Variants in EIF4E3 observed in about 807,000 individuals in gnomAD.
EIF4E3 encodes the protein eukaryotic translation initiation factor 4E family member 3, also known as eukaryotic translation initiation factor 4E type 3.
A neutral mutation model predicts 31.7 loss-of-function variants in EIF4E3; 26 were observed. The ratio of observed to expected loss-of-function variants is 0.82; its 90% CI spans 0.60 to 1.14. The LOEUF (loss-of-function observed/expected upper bound fraction) is 1.14. Ranked by LOEUF, EIF4E3 falls within the 50% of genes most tolerant of loss-of-function variation. EIF4E3 has a pLI of 0.00. For synonymous variants in EIF4E3, 128 were observed against 107.7 expected (o/e 1.19, Z -1.17); for missense variants, 304 against 270.9 (o/e 1.12, Z -0.86).
upstream of EIF4E3, among the ~76,000 whole-genome samples, chr3:71,727,461 G>A (rs1042999972): frequency 2.6e-5 from 4 of 152,206 alleles, no homozygotes; most frequent in South Asian, 4.1e-4. Context: ...ATTGTAAAGA[G>A]GTAATATAAT....
intron 1 of EIF4E3, among the ~76,000 whole-genome samples, chr3:71,748,036 G>A (rs965992043): frequency 6.6e-6 from 1 of 152,168 alleles, no homozygotes; most frequent in Non-Finnish European, 1.5e-5. Context: ...ACATTCAAGT[G>A]GATAGCAGGC....
rs1359127336 is a variant in EIF4E3 at position 71,725,241 on chromosome 3, C to G, written c.127G>C (p.Glu43Gln). Residue 43 changes from glutamate (E) to glutamine (Q), a missense_variant, in exon 1 of 7, where the codon GAG becomes CAG. Glu to Gln is a conservative substitution (Grantham distance 29). Transcript: ENST00000425534. This position sits in a 1 kb window ranked among gnomAD's most constrained non-coding sequence, Gnocchi z 6.1. ...GLQQLSALQP[E>Q]PGGVPLHSSW... ...GAGTGCAGCGGGACCCCGCCCGGCT[C>G]AGGCTGCAGCGCCGACAGCTGCTGC... 2.7e-6 allele frequency: 3 copies of G among 1,119,174 alleles called. No individual in the cohort carries two copies. The highest frequency in any genetic ancestry group is 2.2e-6 in the Non-Finnish European group (2 of 911,268). The allele number at this position is 1,119,174 out of a possible 1,614,324, so 69.3% of individuals were successfully genotyped here.
At position 71,725,126 on chromosome 3, in the gene EIF4E3, G is replaced by C; in HGVS notation, c.176+66C>G. 1 of 1,013,742 alleles carries C rather than the reference G, an allele frequency of 9.9e-7. No homozygotes were observed. The allele number at this position is 1,013,742 out of a possible 1,614,324, so 62.8% of individuals were successfully genotyped here. On this transcript the variant is annotated intron_variant, in intron 1 of 6. Transcript: ENST00000425534. The surrounding 1 kb of genome is among the most constrained non-coding windows in gnomAD (Gnocchi z 6.1). Reference sequence around the variant, plus strand: ...GGGCCGGGGCGAGGGGCCGCGCCGAGACAAAGCGGCGGTGGCGGCAGGACC... The same window carrying C: ...GGGCCGGGGCGAGGGGCCGCGCCGACACAAAGCGGCGGTGGCGGCAGGACC...
At chr3:71,739,116 G>A (rs2049794680) in intron 1 of EIF4E3, among the ~76,000 whole-genome samples, 1 of 149,778 alleles carries the variant, frequency 6.7e-6, no homozygotes, top group African/African-American at 2.5e-5. Context: ...CTACTGAGAG[G>A]GAAACTTACA....
At chr3:71,726,502 A>G (rs943474345), upstream of EIF4E3, among the ~76,000 whole-genome samples, 2 of 152,196 alleles carry the variant, frequency 1.3e-5, no homozygotes, top group African/African-American at 4.8e-5. Context: ...TTTACACTTG[A>G]ATTTCTAGAT....
At chr3:71,669,959 G>A in the EIF4E3 span, among the ~76,000 whole-genome samples, 3 of 152,184 alleles carry the variant, frequency 2.0e-5, no homozygotes, top group South Asian at 2.1e-4. Context: ...GGCATAAACC[G>A]TCCTTGAGGA....
At chr3:71,714,332 GAA>G (rs533955838) in intron 1 of EIF4E3, among the ~76,000 whole-genome samples, 3 of 151,818 alleles carry the variant, frequency 2.0e-5, no homozygotes, top group Admixed American at 6.6e-5. Flanking sequence ...AAGAAAGAAA[GAA>G]AGAGAAAAAG....
chr3:71,696,470 T>C lies in EIF4E3; in HGVS notation c.395A>G (p.Lys132Arg), dbSNP rs750907767. Reference sequence around the variant, plus strand: ...TCAGTAGGAACCTACCGTGCTGTCCTTGGGGACTTTCATCTTCCATACGCC... The same window carrying C: ...TCAGTAGGAACCTACCGTGCTGTCCCTGGGGACTTTCATCTTCCATACGCC... ...KGGVWKMKVP[K>R]DSTSTVWKEL... The change falls in exon 4 of 7, where the codon AAG becomes AGG. Residue 132 changes from lysine (K) to arginine (R), a missense_variant. Transcript: ENST00000425534. 3.1e-6 allele frequency: 5 copies of C among 1,614,054 alleles called. No individual in the cohort carries two copies. The highest frequency in any genetic ancestry group is 1.1e-5 in the South Asian group (1 of 91,084).
At chr3:71,741,927 A>G (rs1021975494) in intron 1 of EIF4E3, among the ~76,000 whole-genome samples, 6 of 152,210 alleles carry the variant, frequency 3.9e-5, no homozygotes, top group African/African-American at 1.4e-4. Flanking sequence ...ATGGATCAAA[A>G]AAGAAATCAA....
chr3:71,741,587 C>G (rs2049821584), intron 1 of EIF4E3, among the ~76,000 whole-genome samples: 1 of 152,202 alleles, frequency 6.6e-6, no homozygotes, highest in Admixed American at 6.5e-5. Flanking sequence ...TTTCAACACT[C>G]ATCTCTCAAT....
At chr3:71,744,333 A>G (rs144654207) in intron 1 of EIF4E3, among the ~76,000 whole-genome samples, 2 of 152,310 alleles carry the variant, frequency 1.3e-5, no homozygotes, top group African/African-American at 2.4e-5. Flanking sequence ...AAGCACATGA[A>G]AAAAATGTTC....
the EIF4E3 span, among the ~76,000 whole-genome samples, chr3:71,660,212 AAG>A: frequency 1.3e-5 from 2 of 152,140 alleles, no homozygotes; most frequent in Non-Finnish European, 2.9e-5. Context: ...GTGTTTGCCT[AAG>A]AGGTTATCCT....
chr3:71,664,938 G>A, the EIF4E3 span, among the ~76,000 whole-genome samples: 4 of 152,114 alleles, frequency 2.6e-5, no homozygotes, highest in African/African-American at 9.7e-5. Context: ...GCATGAAGAT[G>A]ACACAAAAAA....
At chr3:71,671,403 C>T (rs1166995228), downstream of EIF4E3, among the ~76,000 whole-genome samples, 1 of 152,050 alleles carries the variant, frequency 6.6e-6, no homozygotes, top group Non-Finnish European at 1.5e-5. Context: ...GGAGAGACAG[C>T]ATGGCAGCAT....
chr3:71,707,584 C>T (rs1473485299), intron 2 of EIF4E3, among the ~76,000 whole-genome samples: 3 of 152,166 alleles, frequency 2.0e-5, no homozygotes, highest in Non-Finnish European at 2.9e-5. Context: ...ATCCTTAGGG[C>T]AGTGTTTATC....
chr3:71,660,208 G>T, the EIF4E3 span, among the ~76,000 whole-genome samples: 1 of 152,088 alleles, frequency 6.6e-6, no homozygotes, highest in South Asian at 2.1e-4. Context: ...CCAAGTGTTT[G>T]CCTAAGAGGT....
intron 1 of EIF4E3, among the ~76,000 whole-genome samples, chr3:71,739,638 G>A (rs529569475): frequency 5.3e-5 from 8 of 151,960 alleles, no homozygotes; most frequent in Non-Finnish European, 2.9e-5. Context: ...TTGAGGCTGC[G>A]GTGAGCCGTG....
chr3:71,725,666 G>A (rs1409945081), upstream of EIF4E3, among the ~76,000 whole-genome samples: 9 of 151,962 alleles, frequency 5.9e-5, no homozygotes, highest in Non-Finnish European at 1.2e-4. The surrounding 1 kb of genome is among the most constrained non-coding windows in gnomAD (Gnocchi z 6.1). Flanking sequence ...CTGGAGTGGC[G>A]GCCGGGGACG....
intron 1 of EIF4E3, among the ~76,000 whole-genome samples, chr3:71,716,715 C>T (rs1234916749): frequency 6.6e-6 from 1 of 152,106 alleles, no homozygotes; most frequent in African/African-American, 2.4e-5. Flanking sequence ...GGTAACTTGC[C>T]CAAACATACA....
Sources: gnomAD v4.1 joint callset for allele counts (sites outside exome capture counted in the v4.1 genomes callset) on GRCh38, gnomAD v4.1.1 for gene constraint, Gnocchi (gnomAD v3.1) non-coding constraint, MANE v1.5 for transcripts, NCBI Gene and HGNC (gene_info 2026-07-23, HGNC 2026-07-21) for gene names.